The following TENM3 variants were observed in gnomAD, a reference collection of about 807,000 sequenced individuals.
TENM3 encodes teneurin-3.
Under a neutral mutation model 255.1 loss-of-function variants are expected in TENM3, and 63 were observed. The observed-to-expected ratio is 0.25, with a 90% CI of 0.20 to 0.30. The LOEUF (loss-of-function observed/expected upper bound fraction) is 0.30, where lower values mean the gene tolerates loss of function less well. Among genes scored for constraint, TENM3 ranks in the 10% least tolerant of loss-of-function variants. The pLI, the probability that TENM3 is intolerant of heterozygous loss-of-function variation, is 1.00. For missense variants in TENM3, 2,929 were observed against 3,461.1 expected (o/e 0.85, Z 3.86); for synonymous variants, 1,306 against 1,322.3 (o/e 0.99, Z 0.27).
intron 1 of TENM3, among the ~76,000 whole-genome samples, chr4:182,195,127 ATGT>A (rs139897093): frequency 0.022 from 3,273 of 152,006 alleles, 112 homozygotes; most frequent in African/African-American, 0.076. Flanking sequence ...TGTAGGAGAA[ATGT>A]TGTCACTTTT....
chr4:182,455,907 G>A (rs4862069), intron 3 of TENM3, among the ~76,000 whole-genome samples: 2 of 152,008 alleles, frequency 1.3e-5, no homozygotes, highest in Non-Finnish European at 2.9e-5. Context: ...GGCTTCCTTA[G>A]CACCTGATTC....
chr4:181,899,445 CA>C, the TENM3 span, among the ~76,000 whole-genome samples: 1 of 152,046 alleles, frequency 6.6e-6, no homozygotes, highest in Non-Finnish European at 1.5e-5. Context: ...ACGGTATTTA[CA>C]AAAAAGTGAA....
chr4:182,282,892 CAGA>C (rs1251231444), intron 1 of TENM3, among the ~76,000 whole-genome samples: 434 of 89,358 alleles, frequency 4.9e-3, no homozygotes, highest in African/African-American at 0.02. Flanking sequence ...GACTCCATTT[CAGA>C]AAAAAAAAAA....
At chr4:181,826,022 T>C in the TENM3 span, among the ~76,000 whole-genome samples, 2 of 152,144 alleles carry the variant, frequency 1.3e-5, no homozygotes, top group Non-Finnish European at 2.9e-5. Context: ...AAGAGACCCA[T>C]GCAAGAAAAA....
rs574232575 is a variant in TENM3 at position 182,515,851 on chromosome 4, T to A, written c.512-85073T>A. Among the ~76,000 whole-genome samples the A allele has an allele frequency of 1.4e-4, 22 of 152,376 alleles. No individual in the cohort carries two copies. In the East Asian group the frequency reaches 4.0e-3, roughly 28 times the overall value. ...CCATTTAAAAGGTTTAAATAGAATC[T>A]GCTACATAAACTTTTCACATTTTAC... is the stretch of plus-strand genomic sequence containing the variant. On this transcript the variant is annotated intron_variant, in intron 3 of 27. Transcript: ENST00000511685.
At chr4:182,787,973 G>A (rs1224252008) in intron 24 of TENM3, among the ~76,000 whole-genome samples, 1 of 152,054 alleles carries the variant, frequency 6.6e-6, no homozygotes, top group Admixed American at 6.5e-5. Flanking sequence ...GAATGCAAAA[G>A]GCAGTTTTAT....
the TENM3 span, among the ~76,000 whole-genome samples, chr4:181,945,635 G>T: frequency 5.9e-5 from 9 of 152,126 alleles, no homozygotes; most frequent in African/African-American, 2.2e-4. Flanking sequence ...GGTTGACTAA[G>T]TGGAGTCAAG....
At chr4:181,614,545 G>A in the TENM3 span, among the ~76,000 whole-genome samples, 4 of 152,206 alleles carry the variant, frequency 2.6e-5, no homozygotes, top group South Asian at 2.1e-4. Context: ...TATTTTAAAG[G>A]CAATCTTGCC....
Position 182,455,759 on chromosome 4 carries a change from A to T in TENM3, c.511+108830A>T, listed in dbSNP as rs1773827411. Among the ~76,000 whole-genome samples the T allele has an allele frequency of 2.0e-5, 3 of 151,778 alleles. No individual in the cohort carries two copies. In the South Asian group the frequency reaches 6.2e-4, roughly 32 times the overall value. ...TGTATTTTAGTAGAGACAGGGTCTC[A>T]CCATGTTGGCCAGGCTGGTCTCGAA... is the stretch of plus-strand genomic sequence containing the variant. On this transcript the variant is annotated intron_variant, in intron 3 of 27. Coordinates refer to ENST00000511685, the MANE Select transcript of TENM3 (RefSeq NM_001080477.4).
intron 3 of TENM3, among the ~76,000 whole-genome samples, chr4:182,492,992 A>T (rs1386010303): frequency 6.6e-6 from 1 of 152,000 alleles, no homozygotes; most frequent in Non-Finnish European, 1.5e-5. Flanking sequence ...GGAGTGGTTT[A>T]TATTTTTCTA....
At chr4:182,349,972 G>A (rs1765064782) in intron 3 of TENM3, 1 of 186,264 alleles carries the variant, frequency 5.4e-6, no homozygotes, top group African/African-American at 2.4e-5. Flanking sequence ...GGTTTAACAT[G>A]AGAGCTTGCC....
chr4:181,579,984 ATTTTATTTTATTTTATTTTATT>A, the TENM3 span, among the ~76,000 whole-genome samples: 52 of 74,758 alleles, frequency 7.0e-4, no homozygotes, highest in South Asian at 0.026. Context: ...ATTTTATTTT[ATTTTATTTTATTTTATTTTATT>A]TATTTTTTGA....
chr4:181,709,563 G>T, the TENM3 span, among the ~76,000 whole-genome samples: 31 of 152,370 alleles, frequency 2.0e-4, no homozygotes, highest in African/African-American at 7.0e-4. Flanking sequence ...CAAGTGCAAA[G>T]GCCCTGTGGT....
chr4:181,492,414 A>G, the TENM3 span, among the ~76,000 whole-genome samples: 1 of 152,242 alleles, frequency 6.6e-6, no homozygotes. Flanking sequence ...TATTGACAGT[A>G]CAGAAACATA....
At chr4:182,641,160 TTC>T (rs1467727721) in intron 5 of TENM3, among the ~76,000 whole-genome samples, 7 of 152,344 alleles carry the variant, frequency 4.6e-5, no homozygotes, top group African/African-American at 1.4e-4. Flanking sequence ...GGATCATTGA[TTC>T]TGTTTCAAGT....
the TENM3 span, among the ~76,000 whole-genome samples, chr4:181,854,312 G>T: frequency 1.3e-5 from 2 of 152,126 alleles, no homozygotes; most frequent in Non-Finnish European, 2.9e-5. Flanking sequence ...TACTTCATCT[G>T]CTGTTCATGA....
intron 1 of TENM3, among the ~76,000 whole-genome samples, chr4:182,285,241 A>T (rs1267371815): frequency 6.7e-6 from 1 of 149,188 alleles, no homozygotes; most frequent in African/African-American, 2.6e-5. Flanking sequence ...CAGTATACCT[A>T]GGTTAATTCT....
rs1241983848 is a variant in TENM3 at position 182,801,037 on chromosome 4, A to G, written c.*686A>G. ...GTTTATGGATTTTTATATGAATTACAATTTACTGTACATCAAATCTTAGTC... is the reference window on the plus strand; with the variant it reads ...GTTTATGGATTTTTATATGAATTACGATTTACTGTACATCAAATCTTAGTC... On this transcript the variant is annotated 3_prime_UTR_variant, in exon 28 of 28. Transcript: ENST00000511685. 2.0e-5 allele frequency: 3 copies of G among 152,766 alleles called. No homozygotes were observed. The East Asian group carries it at 5.8e-4, about 29-fold the overall frequency. The allele number at this position is 152,766 out of a possible 1,614,324, so 9.5% of individuals were successfully genotyped here.
At chr4:181,755,342 C>CT in the TENM3 span, among the ~76,000 whole-genome samples, 11 of 151,886 alleles carry the variant, frequency 7.2e-5, no homozygotes, top group African/African-American at 2.2e-4. Context: ...ATGTTCTTTC[C>CT]TTTTTTGTAC....
Sources: gnomAD v4.1 joint callset for allele counts (sites outside exome capture counted in the v4.1 genomes callset) on GRCh38, gnomAD v4.1.1 for gene constraint, MANE v1.5 for transcripts, NCBI Gene and HGNC (gene_info 2026-07-23, HGNC 2026-07-21) for gene names.